The following DGKB variants were observed in gnomAD, a reference collection of about 807,000 sequenced individuals.
DGKB encodes diacylglycerol kinase beta.
In DGKB, 67 loss-of-function variants were observed where a neutral mutation model predicts 114.3. The ratio of observed to expected loss-of-function variants is 0.59; its 90% CI spans 0.48 to 0.72. The LOEUF is 0.72. Among genes scored for constraint, DGKB ranks in the 30% least tolerant of loss-of-function variants. The pLI is 0.00. For missense variants in DGKB, 907 were observed against 975.2 expected (o/e 0.93, Z 0.93); for synonymous variants, 398 against 323.1 (o/e 1.23, Z -2.49).
At chr7:14,813,544 C>A (rs951351463) in intron 2 of DGKB, among the ~76,000 whole-genome samples, 3 of 152,218 alleles carry the variant, frequency 2.0e-5, no homozygotes, top group South Asian at 2.1e-4. Flanking sequence ...CTTATCTAAC[C>A]TTTTTGCTTC....
chr7:14,284,255 A>G (rs986949427), intron 23 of DGKB, among the ~76,000 whole-genome samples: 9 of 147,656 alleles, frequency 6.1e-5, no homozygotes, highest in African/African-American at 2.4e-4. Context: ...AAAACACATG[A>G]AAAAATGCTC....
intron 20 of DGKB, among the ~76,000 whole-genome samples, chr7:14,490,131 T>G (rs1363595812): frequency 6.6e-6 from 1 of 152,070 alleles, no homozygotes; most frequent in African/African-American, 2.4e-5. Context: ...GAGGTAAATA[T>G]TGTTCTAGAG....
chr7:14,694,245 T>C (rs1005877075), intron 8 of DGKB, 51 bp from the exon 9 acceptor site: 2 of 1,502,016 alleles, frequency 1.3e-6, no homozygotes. Flanking sequence ...TAAAATAAAT[T>C]TCATAGGCTA....
At chr7:14,412,405 C>G (rs74991282) in intron 21 of DGKB, among the ~76,000 whole-genome samples, 4,265 of 152,196 alleles carry the variant, frequency 0.028, 218 homozygotes, top group African/African-American at 0.097. Context: ...GAAAGCAGGT[C>G]AGAATTCCCT....
chr7:14,218,293 G>C (rs1789331745), intron 23 of DGKB, among the ~76,000 whole-genome samples: 1 of 152,068 alleles, frequency 6.6e-6, no homozygotes, highest in Non-Finnish European at 1.5e-5. Context: ...GCTTAACTTA[G>C]CTATGATACT....
intron 1 of DGKB, among the ~76,000 whole-genome samples, chr7:14,891,187 T>A (rs1450495736): frequency 6.6e-6 from 1 of 151,372 alleles, no homozygotes; most frequent in Non-Finnish European, 1.5e-5. Flanking sequence ...GCGAAACCGC[T>A]AATAGTACCA....
chr7:14,783,846 A>T (rs959954336), intron 2 of DGKB, among the ~76,000 whole-genome samples: 1 of 152,204 alleles, frequency 6.6e-6, no homozygotes, highest in Non-Finnish European at 1.5e-5. Context: ...AAGAGATGGG[A>T]TCTTTTTCAT....
At chr7:14,912,551 A>C (rs1020968695) in intron 1 of DGKB, among the ~76,000 whole-genome samples, 1 of 152,194 alleles carries the variant, frequency 6.6e-6, no homozygotes, top group Admixed American at 6.5e-5. Flanking sequence ...GCTGTTGAAT[A>C]GCTTACATGA....
intron 1 of DGKB, among the ~76,000 whole-genome samples, chr7:14,934,211 T>G (rs1233566453): frequency 2.0e-5 from 3 of 152,166 alleles, no homozygotes; most frequent in African/African-American, 7.2e-5. Context: ...GAGAAATAAT[T>G]TGAATTATGT....
intron 23 of DGKB, among the ~76,000 whole-genome samples, chr7:14,210,607 G>A (rs754422287): frequency 6.6e-6 from 1 of 151,964 alleles, no homozygotes; most frequent in Non-Finnish European, 1.5e-5. Flanking sequence ...CAATGTGGTC[G>A]GGTGAGAATG....
intron 23 of DGKB, among the ~76,000 whole-genome samples, chr7:14,229,960 C>A (rs560055348): frequency 6.6e-6 from 1 of 151,988 alleles, no homozygotes; most frequent in East Asian, 1.9e-4. Flanking sequence ...TGAAATTTTC[C>A]TATCTTTGCC....
At chr7:14,492,411 A>T (rs903312724) in intron 20 of DGKB, among the ~76,000 whole-genome samples, 7 of 152,052 alleles carry the variant, frequency 4.6e-5, no homozygotes, top group African/African-American at 1.7e-4. Context: ...TATATAAGAT[A>T]TTGCATTGGT....
Position 14,551,524 on chromosome 7 carries a change from C to T in DGKB, c.1770+22688G>A, listed in dbSNP as rs1226815093. 4.6e-5 allele frequency among the ~76,000 whole-genome samples: 7 copies of T among 152,252 alleles called. No individual in the cohort carries two copies. The South Asian group carries it at 1.2e-3, about 27-fold the overall frequency. On this transcript the variant is annotated intron_variant, in intron 20 of 25. Coordinates refer to ENST00000402815, the MANE Select transcript of DGKB (RefSeq NM_001350709.2). Reference sequence around the variant, plus strand: ...AATTGGAACTTACTGGGATGATTAACAGCTGCTACAAAATCAATACTCTAT... The same window carrying T: ...AATTGGAACTTACTGGGATGATTAATAGCTGCTACAAAATCAATACTCTAT...
chr7:14,899,542 C>T (rs781114840), intron 1 of DGKB, among the ~76,000 whole-genome samples: 7 of 152,026 alleles, frequency 4.6e-5, no homozygotes. Flanking sequence ...CTATATGATT[C>T]CCTTATTTTC....
At chr7:14,862,463 T>C (rs1586984192) in intron 1 of DGKB, among the ~76,000 whole-genome samples, 1 of 152,106 alleles carries the variant, frequency 6.6e-6, no homozygotes, top group East Asian at 1.9e-4. Context: ...GTTTATTTAG[T>C]GGTTATAACA....
chr7:14,850,934 T>A (rs1256485409), intron 1 of DGKB, among the ~76,000 whole-genome samples: 2 of 152,206 alleles, frequency 1.3e-5, no homozygotes, highest in Non-Finnish European at 2.9e-5. Flanking sequence ...ATTAAATCTA[T>A]CTGAGCCTCA....
At chr7:14,397,281 G>A (rs1168903979) in intron 21 of DGKB, among the ~76,000 whole-genome samples, 2 of 152,126 alleles carry the variant, frequency 1.3e-5, no homozygotes, top group Non-Finnish European at 1.5e-5. Context: ...TTGTGAGTGC[G>A]CTGACCTGTG....
intron 4 of DGKB, among the ~76,000 whole-genome samples, chr7:14,749,744 C>T (rs1833851699): frequency 2.0e-5 from 3 of 152,140 alleles, no homozygotes; most frequent in African/African-American, 4.8e-5. Context: ...CATAAATCCT[C>T]TAACATTTTC....
chr7:14,631,284 A>AAAAAAAAAAAAG (rs1809657788), intron 13 of DGKB, among the ~76,000 whole-genome samples: 7 of 146,420 alleles, frequency 4.8e-5, no homozygotes, highest in Non-Finnish European at 9.2e-5. Flanking sequence ...AAAAAAAAAG[A>AAAAAAAAAAAAG]AAAAAATAGC....
Sources: gnomAD v4.1 joint callset for allele counts (sites outside exome capture counted in the v4.1 genomes callset) on GRCh38, gnomAD v4.1.1 for gene constraint, MANE v1.5 for transcripts, NCBI Gene and HGNC (gene_info 2026-07-23, HGNC 2026-07-21) for gene names.